The following ZNF354A variants were observed in gnomAD, a reference collection of about 807,000 sequenced individuals.
The protein encoded by ZNF354A is epididymis luminal protein 104.
Under a neutral mutation model 53.3 loss-of-function variants are expected in ZNF354A, and 25 were observed. The ratio of observed to expected loss-of-function variants is 0.47; its 90% CI spans 0.34 to 0.66. The LOEUF (loss-of-function observed/expected upper bound fraction) is 0.66, where lower values mean the gene tolerates loss of function less well. Ranked by LOEUF, ZNF354A falls within the 30% of genes least tolerant of loss-of-function variation. The pLI, the probability that ZNF354A is intolerant of heterozygous loss-of-function variation, is 0.01. For missense variants in ZNF354A, 586 were observed against 716.8 expected (o/e 0.82, Z 2.08); for synonymous variants, 228 against 249.0 (o/e 0.92, Z 0.79).
In ZNF354A at chr5:178,712,773, G is replaced by A; in HGVS notation, c.1105C>T (p.Leu369Phe). Reference sequence around the variant, plus strand: ...GTGTGAATTCTCTGATGATAACGAAGGGATGAGCTAGACTTAAAGGTGTTG... The same window carrying A: ...GTGTGAATTCTCTGATGATAACGAAAGGATGAGCTAGACTTAAAGGTGTTG... ...CGNTFKSSSS[L>F]RYHQRIHTGE... Residue 369 changes from leucine (L) to phenylalanine (F), a missense_variant, in exon 5 of 5, where the codon CTT (leucine) becomes TTT (phenylalanine). Transcript: ENST00000335815. The A allele has an allele frequency of 6.2e-7, 1 of 1,614,078 alleles. No individual in the cohort carries two copies. The highest frequency in any genetic ancestry group is 8.5e-7 in the Non-Finnish European group (1 of 1,179,992).
At position 178,712,964 on chromosome 5, in the gene ZNF354A, T is replaced by G; in HGVS notation, c.914A>C (p.Lys305Thr). Reference sequence around the variant, plus strand: ...AAGGCCTGACCTTCGGCTGAAGGATTTACCACATTCTTTACATCTGTAGGA... The same window carrying G: ...AAGGCCTGACCTTCGGCTGAAGGATGTACCACATTCTTTACATCTGTAGGA... Reference protein sequence around the residue: ...EKSYRCKECGKSFSRRSGLFI... With the variant: ...EKSYRCKECGTSFSRRSGLFI... The change falls in exon 5 of 5, where the codon AAA becomes ACA. Residue 305 changes from lysine (K) to threonine (T), a missense_variant. Physicochemically the swap from Lys to Thr is moderately conservative, Grantham distance 78 (BLOSUM62 -1). Transcript: ENST00000335815. 1.2e-6 allele frequency: 2 copies of G among 1,614,166 alleles called. No individual in the cohort carries two copies. Among genetic ancestry groups the G allele is most frequent in the Non-Finnish European group, 1.7e-6 (2 of 1,180,018 alleles).
intron 4 of ZNF354A, among the ~76,000 whole-genome samples, chr5:178,716,206 AG>A (rs1393124818): frequency 2.0e-5 from 3 of 151,952 alleles, no homozygotes; most frequent in African/African-American, 7.3e-5. Flanking sequence ...AATCTTTCTA[AG>A]ATCAATATTT....
intron 4 of ZNF354A, among the ~76,000 whole-genome samples, chr5:178,725,165 G>A (rs564422027): frequency 6.6e-5 from 10 of 152,302 alleles, no homozygotes; most frequent in African/African-American, 2.2e-4. Context: ...TGAAAATACA[G>A]CCCTATTCTA....
In ZNF354A at chr5:178,725,483, C is replaced by A. The variant is rs1765888375; in HGVS notation, c.161-12G>T. 3 of 1,610,544 alleles carry A rather than the reference C, an allele frequency of 1.9e-6. No homozygotes were observed. The highest frequency in any genetic ancestry group is 1.7e-5 in the Admixed American group (1 of 59,130). On this transcript the variant is annotated splice_polypyrimidine_tract_variant and intron_variant, in intron 3 of 4. Transcript: ENST00000335815. ...GGTAAATGGGAGCCCTGCACATAAA[C>A]AAAAAACCACAACCAAACAAATCAG...
intron 4 of ZNF354A, among the ~76,000 whole-genome samples, chr5:178,713,973 A>C (rs1765670567): frequency 1.4e-5 from 2 of 144,722 alleles, no homozygotes; most frequent in Admixed American, 1.4e-4. Context: ...ATGGAATCCT[A>C]ATTTTTTTTT....
At chr5:178,719,890 T>C (rs1231987777) in intron 4 of ZNF354A, among the ~76,000 whole-genome samples, 2 of 149,758 alleles carry the variant, frequency 1.3e-5, no homozygotes, top group East Asian at 3.9e-4. Flanking sequence ...GAGCTTGCAG[T>C]GAGCCGAGAT....
chr5:178,728,216 T>G (rs1765950111), intron 2 of ZNF354A, among the ~76,000 whole-genome samples: 1 of 152,168 alleles, frequency 6.6e-6, no homozygotes, highest in African/African-American at 2.4e-5. Flanking sequence ...GATGTCTCAC[T>G]GAGCTTGCAT....
chr5:178,718,397 G>T lies in ZNF354A; in HGVS notation c.257-4776C>A, dbSNP rs566698138. Among the ~76,000 whole-genome samples the T allele has an allele frequency of 2.0e-5, 3 of 152,284 alleles. No homozygotes were observed. The South Asian group carries it at 6.2e-4, about 32-fold the overall frequency. On this transcript the variant is annotated intron_variant, in intron 4 of 4. Coordinates refer to ENST00000335815, the MANE Select transcript of ZNF354A (RefSeq NM_005649.3). ...CTGCCCTGACCACTTCCTGTTATCA[G>T]GTCTAGACTCTTCCACCTGGACTCT...
intron 4 of ZNF354A, among the ~76,000 whole-genome samples, chr5:178,716,360 C>T (rs149277515): frequency 6.6e-6 from 1 of 152,242 alleles, no homozygotes; most frequent in East Asian, 1.9e-4. Flanking sequence ...TCCACCTGTC[C>T]TCACCCCCTC....
intron 4 of ZNF354A, among the ~76,000 whole-genome samples, chr5:178,716,977 G>C (rs571305325): frequency 3.9e-4 from 58 of 149,772 alleles, no homozygotes; most frequent in African/African-American, 1.4e-3. Flanking sequence ...TACTCGGGAG[G>C]CTGAGGCAGA....
At chr5:178,714,811 AT>A (rs1765685028) in intron 4 of ZNF354A, among the ~76,000 whole-genome samples, 1 of 152,224 alleles carries the variant, frequency 6.6e-6, no homozygotes, top group Non-Finnish European at 1.5e-5. Context: ...ACACATACAC[AT>A]TTCAGACCCT....
At chr5:178,721,140 CCTTT>C (rs1476655841) in intron 4 of ZNF354A, among the ~76,000 whole-genome samples, 1 of 152,040 alleles carries the variant, frequency 6.6e-6, no homozygotes, top group African/African-American at 2.4e-5. Context: ...TTATTGATCT[CCTTT>C]TTTTTCTTTT....
intron 3 of ZNF354A, chr5:178,726,130 C>A: frequency 2.2e-6 from 1 of 453,674 alleles, no homozygotes. Context: ...GTGTGAGCCA[C>A]CGCGCCCGGC....
intron 4 of ZNF354A, among the ~76,000 whole-genome samples, chr5:178,715,690 T>G (rs1215732569): frequency 6.6e-6 from 1 of 152,190 alleles, no homozygotes; most frequent in African/African-American, 2.4e-5. Context: ...TTCTGCAACT[T>G]GGATTCTAGC....
intron 3 of ZNF354A, chr5:178,725,978 G>A (rs1581749354): frequency 1.0e-5 from 3 of 293,470 alleles, no homozygotes; most frequent in East Asian, 1.8e-4. Flanking sequence ...CTCCCAAGTA[G>A]CGGGGACTAC....
chr5:178,711,548 G>A lies in ZNF354A; in HGVS notation c.*512C>T, dbSNP rs1167132735. ...CTTTTTTAATGAAATCCATGCATAAGTTTGACATCAGGGTAGGAAAAGGAC... is the reference window on the plus strand; with the variant it reads ...CTTTTTTAATGAAATCCATGCATAAATTTGACATCAGGGTAGGAAAAGGAC... On this transcript the variant is annotated 3_prime_UTR_variant, in exon 5 of 5. Coordinates refer to ENST00000335815, the MANE Select transcript of ZNF354A (RefSeq NM_005649.3). The A allele has an allele frequency of 6.5e-6, 1 of 152,684 alleles. No individual in the cohort carries two copies. The highest frequency in any genetic ancestry group is 1.9e-4 in the East Asian group (1 of 5,204). The allele number at this position is 152,684 out of a possible 1,614,324, so 9.5% of individuals were successfully genotyped here. A position where few individuals can be genotyped will look rare whatever the true frequency, so the allele number is the denominator to read the frequency against.
At chr5:178,713,767 A>T in intron 4 of ZNF354A, 146 bp from the exon 5 acceptor site, 1 of 868,120 alleles carries the variant, frequency 1.2e-6, no homozygotes, top group Non-Finnish European at 1.7e-6. Flanking sequence ...AAGAAAAAAT[A>T]GGACAGTTAG....
chr5:178,730,383 C>T (rs1766010789), intron 1 of ZNF354A, among the ~76,000 whole-genome samples, 173 bp downstream of exon 1: 1 of 147,098 alleles, frequency 6.8e-6, no homozygotes, highest in South Asian at 2.3e-4. Flanking sequence ...GCACCAGCAA[C>T]GGCGAGGGAG....
chr5:178,724,143 C>T (rs1765861317), intron 4 of ZNF354A, among the ~76,000 whole-genome samples: 1 of 152,056 alleles, frequency 6.6e-6, no homozygotes, highest in African/African-American at 2.4e-5. Flanking sequence ...TCCTCCCTCA[C>T]GAACTCACGG....
Sources: gnomAD v4.1 joint callset for allele counts (sites outside exome capture counted in the v4.1 genomes callset) on GRCh38, gnomAD v4.1.1 for gene constraint, MANE v1.5 for transcripts, NCBI Gene and HGNC (gene_info 2026-07-23, HGNC 2026-07-21) for gene names.